Variants in SAMD11 observed in about 807,000 individuals in gnomAD.
SAMD11 encodes the protein sterile alpha motif domain-containing protein 11.
SAMD11 carries 77 observed loss-of-function variants against 64.4 expected under a neutral mutation model. That is an observed-to-expected ratio of 1.20 (90% CI 0.99 to 1.44). The LOEUF is 1.44. SAMD11 is among the 40% of genes most tolerant of loss of function. The pLI, the probability that SAMD11 is intolerant of heterozygous loss-of-function variation, is 0.00. For missense variants in SAMD11, 1,402 were observed against 943.3 expected (o/e 1.49, Z -6.37); for synonymous variants, 658 against 421.9 (o/e 1.56, Z -6.86).
At position 944,130 on chromosome 1, in the gene SAMD11, G is replaced by A. The variant is rs762654598; in HGVS notation, c.2512G>A (p.Asp838Asn). The A allele has an allele frequency of 1.7e-5, 27 of 1,589,048 alleles. No homozygotes were observed. The highest frequency in any genetic ancestry group is 4.5e-5 in the East Asian group (2 of 44,550). ...CTTGGCTCTACTTCCAGGGGCCCCC[G>A]ACCCTTCCCAGCCTCTGTGTTGAGG... ...GTLALLPGAP[D>N]PSQPLC The change falls in exon 14 of 14, where the codon GAC becomes AAC. Residue 838 changes from aspartate (D) to asparagine (N), a missense_variant. By Grantham distance (23) the Asp-to-Asn change is conservative. Transcript: ENST00000616016.
chr1:942,479 A>C lies in SAMD11; in HGVS notation c.1544A>C (p.Asn515Thr). 6.7e-7 allele frequency: 1 copy of C among 1,484,308 alleles called. No individual in the cohort carries two copies. Among genetic ancestry groups the C allele is most frequent in the Non-Finnish European group, 8.9e-7 (1 of 1,123,716 alleles). The allele number at this position is 1,484,308 out of a possible 1,614,324, so 91.9% of individuals were successfully genotyped here. The change falls in exon 10 of 14, where the codon AAC becomes ACC. Residue 515 changes from asparagine (N) to threonine (T), a missense_variant. Asn to Thr is a moderately conservative substitution (Grantham distance 65). Transcript: ENST00000616016. ...CAGCAGGAGCTCCTGCGGAAGCAGA[A>C]CCTGGCCCGGTAGGTGCGGGGAGGC... ...AWQQELLRKQ[N>T]LARLELPADL...
chr1:938,473 G>A (rs1173645559), intron 5 of SAMD11, among the ~76,000 whole-genome samples: 2 of 152,198 alleles, frequency 1.3e-5, no homozygotes, highest in African/African-American at 4.8e-5. Flanking sequence ...GGCCAGAGAG[G>A]AGGACGTGGG....
intron 4 of SAMD11, among the ~76,000 whole-genome samples, chr1:933,038 C>T (rs28546443): frequency 0.24 from 36,061 of 152,220 alleles, 5,222 homozygotes; most frequent in South Asian, 0.33. Flanking sequence ...CCTTCCTGCG[C>T]CTCCTGCCCC....
At chr1:940,588 C>G (rs1255403036) in intron 7 of SAMD11, 2 of 152,508 alleles carry the variant, frequency 1.3e-5, no homozygotes, top group African/African-American at 2.4e-5. Context: ...GCCTTAGACG[C>G]GGGCGCTGCG....
chr1:930,094 TCTC>T (rs1641099826), intron 2 of SAMD11, 58 bp from the exon 3 acceptor site: 2 of 1,498,388 alleles, frequency 1.3e-6, no homozygotes, highest in South Asian at 1.3e-5. Context: ...CCCACCTTCC[TCTC>T]CTCCTGCCCC....
At chr1:927,623 C>T (rs1640957308) in intron 2 of SAMD11, among the ~76,000 whole-genome samples, 1 of 152,258 alleles carries the variant, frequency 6.6e-6, no homozygotes, top group South Asian at 2.1e-4. Flanking sequence ...AAGCCCCATG[C>T]CAAATCCGCA....
intron 4 of SAMD11, 31 bp from the exon 5 acceptor site, chr1:935,741 G>A (rs746800806): frequency 9.3e-6 from 15 of 1,612,138 alleles, no homozygotes; most frequent in Admixed American, 3.3e-5. Flanking sequence ...AGCTGCCCAC[G>A]GGGTCAGCTT....
chr1:929,571 G>C (rs887434687), intron 2 of SAMD11, among the ~76,000 whole-genome samples: 5 of 152,214 alleles, frequency 3.3e-5, no homozygotes, highest in African/African-American at 1.2e-4. Context: ...GGCAGGGTGT[G>C]GTGGGCAGAA....
chr1:939,317 CGGA>C lies in SAMD11; in HGVS notation c.1104_1106del (p.Glu368del). 1.2e-6 allele frequency: 2 copies of C among 1,611,308 alleles called. No homozygotes were observed. Among genetic ancestry groups the C allele is most frequent in the Non-Finnish European group, 1.7e-6 (2 of 1,179,430 alleles). On this transcript the variant is annotated inframe_deletion, in exon 7 of 14. Coordinates refer to ENST00000616016, the MANE Select transcript of SAMD11 (RefSeq NM_001385641.1). The stretch of plus-strand genomic sequence containing the variant: ...CGGGAGCTGGGGCCCAGCATGGCCC[CGGA>C]GGACCATTACCGCCGGCTTGTGTCA...
intron 2 of SAMD11, among the ~76,000 whole-genome samples, chr1:927,907 G>C (rs1259700253): frequency 1.3e-5 from 2 of 152,380 alleles, no homozygotes; most frequent in African/African-American, 4.8e-5. Context: ...CTTGGGGCGT[G>C]GCTGGGGTGC....
At chr1:933,305 G>A (rs1276091479) in intron 4 of SAMD11, among the ~76,000 whole-genome samples, 1 of 152,226 alleles carries the variant, frequency 6.6e-6, no homozygotes, top group Non-Finnish European at 1.5e-5. Context: ...TCAGGGGCCG[G>A]GCCAGGCCAG....
In SAMD11 at chr1:926,130, A is replaced by AG. The variant is rs1268473143; in HGVS notation, c.609+120dup. ...AACCTCACCCCTGCGGGTGTGCTGG[A>AG]GGGAGCCTCCGAAGGGCAGGGGGAA... On this transcript the variant is annotated intron_variant, in intron 2 of 13. Transcript: ENST00000616016. 11 of 998,602 alleles carry AG rather than the reference A, an allele frequency of 1.1e-5. No individual in the cohort carries two copies. The Admixed American group carries it at 2.1e-4, about 19-fold the overall frequency. The allele number at this position is 998,602 out of a possible 1,614,324, so 61.9% of individuals were successfully genotyped here.
intron 2 of SAMD11, among the ~76,000 whole-genome samples, chr1:928,370 C>T (rs547787199): frequency 1.1e-4 from 16 of 152,256 alleles, no homozygotes; most frequent in Non-Finnish European, 1.9e-4. Flanking sequence ...CCAGCCTGGG[C>T]AACAGAGTGA....
At chr1:936,128 G>A (rs1308775618) in intron 5 of SAMD11, among the ~76,000 whole-genome samples, 1 of 152,216 alleles carries the variant, frequency 6.6e-6, no homozygotes, top group East Asian at 1.9e-4. Context: ...TGGAGTAGCC[G>A]GGGCCCTGCC....
At chr1:933,502 CT>C (rs1192918707) in intron 4 of SAMD11, among the ~76,000 whole-genome samples, 1 of 152,056 alleles carries the variant, frequency 6.6e-6, no homozygotes, top group Non-Finnish European at 1.5e-5. Context: ...CCTCTGGAGT[CT>C]CTGGGAAACT....
At chr1:930,716 C>T (rs540828967) in intron 3 of SAMD11, among the ~76,000 whole-genome samples, 2 of 152,366 alleles carry the variant, frequency 1.3e-5, no homozygotes, top group South Asian at 4.1e-4. Context: ...CAGCCTCGGC[C>T]CCCACCTGCG....
Position 942,702 on chromosome 1 carries a change from G to A in SAMD11, c.1697G>A (p.Gly566Asp), listed in dbSNP as rs1305164263. The change falls in exon 11 of 14, where the codon GGC becomes GAC. Residue 566 changes from glycine (G) to aspartate (D), a missense_variant. Transcript: ENST00000616016. ...RRGALLVLNH[G>D]AAPLLALPPQ... ...GGGGCCCTGCTGGTGCTGAACCACGGCGCGGCGCCACTGCTGGCCCTGCCC... is the reference window on the plus strand; with the variant it reads ...GGGGCCCTGCTGGTGCTGAACCACGACGCGGCGCCACTGCTGGCCCTGCCC... 1.4e-6 allele frequency: 2 copies of A among 1,442,384 alleles called. No homozygotes were observed. Among genetic ancestry groups the A allele is most frequent in the East Asian group, 2.9e-5 (1 of 34,594 alleles). The allele number at this position is 1,442,384 out of a possible 1,614,324, so 89.3% of individuals were successfully genotyped here. A position where few individuals can be genotyped will look rare whatever the true frequency, so the allele number is the denominator to read the frequency against.
At position 943,255 on chromosome 1, in the gene SAMD11, G is replaced by A. The variant is rs1489209901; in HGVS notation, c.2056G>A (p.Ala686Thr). ...YAVSPYFHTG[A>T]VGGLSMDGEE... ...TAGTAACACGCCCCACAACTCAGGC[G>A]CGGTAGGGGGACTCTCCATGGATGG... Residue 686 changes from alanine (A) to threonine (T), a missense_variant and splice_region_variant, in exon 12 of 14, where the codon GCG becomes ACG. Physicochemically the swap from Ala to Thr is moderately conservative, Grantham distance 58 (BLOSUM62 0). Coordinates refer to ENST00000616016, the MANE Select transcript of SAMD11 (RefSeq NM_001385641.1). 3 of 1,612,868 alleles carry A rather than the reference G, an allele frequency of 1.9e-6. No individual in the cohort carries two copies. Among genetic ancestry groups the A allele is most frequent in the South Asian group, 1.1e-5 (1 of 91,040 alleles).
chr1:943,274 T>C lies in SAMD11; in HGVS notation c.2075T>C (p.Met692Thr), dbSNP rs780953917. Residue 692 changes from methionine (M) to threonine (T), a missense_variant, in exon 12 of 14, where the codon ATG (methionine) becomes ACG (threonine). Physicochemically the swap from Met to Thr is moderately conservative, Grantham distance 81. Transcript: ENST00000616016. ...FHTGAVGGLS[M>T]DGEEAPAPED... is the part of the protein sequence containing the mutation. ...TCAGGCGCGGTAGGGGGACTCTCCA[T>C]GGATGGGGAGGAGGCCCCAGCCCCT... The C allele has an allele frequency of 2.5e-6, 4 of 1,612,490 alleles. No homozygotes were observed. Among genetic ancestry groups the C allele is most frequent in the African/African-American group, 2.7e-5 (2 of 74,834 alleles).
Sources: gnomAD v4.1 joint callset for allele counts (sites outside exome capture counted in the v4.1 genomes callset) on GRCh38, gnomAD v4.1.1 for gene constraint, MANE v1.5 for transcripts, NCBI Gene and HGNC (gene_info 2026-07-23, HGNC 2026-07-21) for gene names.